Variants in PCDH15 observed in about 807,000 individuals in gnomAD.
The protein encoded by PCDH15 is protocadherin-15.
In PCDH15, 129 loss-of-function variants were observed where a neutral mutation model predicts 178.5. That is an observed-to-expected ratio of 0.72 (90% CI 0.63 to 0.84). The LOEUF is 0.84. Ranked by LOEUF, PCDH15 falls within the 40% of genes least tolerant of loss-of-function variation. PCDH15 has a pLI of 0.00. For synonymous variants in PCDH15, 800 were observed against 732.0 expected, an observed-to-expected ratio of 1.09 and a Z score of -1.50; for missense variants, 2,230 against 2,099.9, an observed-to-expected ratio of 1.06 and a Z score of -1.21.
intron 6 of PCDH15, among the ~76,000 whole-genome samples, chr10:54,334,143 A>G (rs1010192001): frequency 6.6e-6 from 1 of 152,188 alleles, no homozygotes; most frequent in Non-Finnish European, 1.5e-5. Context: ...ACACGCCCCA[A>G]ACACCTGGCC....
At chr10:54,494,191 C>G (rs949862954) in intron 3 of PCDH15, among the ~76,000 whole-genome samples, 4 of 151,608 alleles carry the variant, frequency 2.6e-5, no homozygotes, top group African/African-American at 9.7e-5. Flanking sequence ...ACATATGTAA[C>G]TAACCTGCAC....
intron 3 of PCDH15, among the ~76,000 whole-genome samples, chr10:54,495,107 C>A (rs1018993877): frequency 1.3e-5 from 2 of 152,088 alleles, no homozygotes; most frequent in Admixed American, 6.6e-5. Context: ...TGTCCTTGCA[C>A]AGAGTGTGAG....
At chr10:54,424,062 T>A (rs142694311) in intron 3 of PCDH15, among the ~76,000 whole-genome samples, 4,184 of 151,784 alleles carry the variant, frequency 0.028, 85 homozygotes, top group Middle Eastern at 0.061. Flanking sequence ...GAAACTACCA[T>A]CAGAGTGAAC....
intron 13 of PCDH15, among the ~76,000 whole-genome samples, chr10:54,167,336 C>G (rs1045262896): frequency 5.3e-5 from 8 of 152,086 alleles, no homozygotes; most frequent in African/African-American, 1.9e-4. Flanking sequence ...CCACTTTCTC[C>G]TTTCCACTCT....
intron 2 of PCDH15, among the ~76,000 whole-genome samples, chr10:55,453,961 A>G (rs1839491732): frequency 6.6e-6 from 1 of 152,182 alleles, no homozygotes; most frequent in Admixed American, 6.5e-5. Context: ...CCCATATACA[A>G]TAAAAAGGAA....
intron 2 of PCDH15, among the ~76,000 whole-genome samples, chr10:55,436,056 A>T (rs1839031657): frequency 6.6e-6 from 1 of 152,108 alleles, no homozygotes; most frequent in African/African-American, 2.4e-5. Flanking sequence ...TGTTTATTTT[A>T]TTCACAGTAG....
intron 3 of PCDH15, among the ~76,000 whole-genome samples, chr10:54,440,262 C>A (rs906393291): frequency 6.6e-6 from 1 of 151,940 alleles, no homozygotes; most frequent in Non-Finnish European, 1.5e-5. Context: ...GTGTTTAATG[C>A]TTATGCAAAT....
intron 2 of PCDH15, among the ~76,000 whole-genome samples, chr10:55,398,687 C>G (rs1837987959): frequency 6.6e-6 from 1 of 152,154 alleles, no homozygotes; most frequent in Non-Finnish European, 1.5e-5. Context: ...TACTCACCAT[C>G]TGGCATATTA....
At chr10:54,849,244 T>C (rs1426851437) in intron 3 of PCDH15, among the ~76,000 whole-genome samples, 1 of 152,174 alleles carries the variant, frequency 6.6e-6, no homozygotes, top group Non-Finnish European at 1.5e-5. Context: ...TTTAGCATGC[T>C]GTTAAATCCT....
chr10:54,036,722 A>G (rs369020887), intron 18 of PCDH15, among the ~76,000 whole-genome samples: 18 of 152,060 alleles, frequency 1.2e-4, no homozygotes, highest in East Asian at 9.7e-4. Flanking sequence ...GCTCATGGAT[A>G]AAGGAGTAAA....
At chr10:54,672,988 C>G (rs2094703918) in intron 1 of PCDH15, among the ~76,000 whole-genome samples, 1 of 151,992 alleles carries the variant, frequency 6.6e-6, no homozygotes. Context: ...AATGACATAG[C>G]AAACAGGTAG....
chr10:55,083,114 G>T (rs1488646791), intron 2 of PCDH15, among the ~76,000 whole-genome samples: 1 of 150,938 alleles, frequency 6.6e-6, no homozygotes, highest in African/African-American at 2.4e-5. Context: ...AAACTATAGG[G>T]TTATCTCCCT....
At chr10:54,026,088 G>C (rs921928053) in intron 18 of PCDH15, among the ~76,000 whole-genome samples, 2 of 111,314 alleles carry the variant, frequency 1.8e-5, no homozygotes, top group African/African-American at 3.2e-5. Context: ...TTTTTTTTTT[G>C]AAACAGGTCT....
intron 7 of PCDH15, among the ~76,000 whole-genome samples, chr10:54,323,642 G>A (rs2061743638): frequency 6.6e-6 from 1 of 152,016 alleles, no homozygotes; most frequent in Non-Finnish European, 1.5e-5. Flanking sequence ...CATAATATCA[G>A]TTTTTCAATG....
At chr10:55,265,284 G>A (rs1044620432) in intron 1 of PCDH15, among the ~76,000 whole-genome samples, 3 of 147,316 alleles carry the variant, frequency 2.0e-5, no homozygotes, top group Non-Finnish European at 4.4e-5. Context: ...ACGATATATT[G>A]TGATAGATAT....
intron 3 of PCDH15, among the ~76,000 whole-genome samples, chr10:54,411,880 C>G (rs1342117996): frequency 6.6e-6 from 1 of 152,132 alleles, no homozygotes; most frequent in Admixed American, 6.6e-5. Flanking sequence ...ATTACTTTGA[C>G]TAGATTATTT....
intron 3 of PCDH15, among the ~76,000 whole-genome samples, chr10:54,524,828 T>C (rs1286133038): frequency 1.3e-5 from 2 of 152,184 alleles, no homozygotes; most frequent in Admixed American, 6.5e-5. Flanking sequence ...GTAAGCTTAG[T>C]ATTACCAGCA....
intron 2 of PCDH15, among the ~76,000 whole-genome samples, chr10:55,061,077 T>C (rs1422449196): frequency 6.6e-6 from 1 of 152,132 alleles, no homozygotes; most frequent in Non-Finnish European, 1.5e-5. Context: ...TGATGAACTA[T>C]ACTATATTGA....
At chr10:54,175,577 CTT>C (rs1476119850) in intron 13 of PCDH15, among the ~76,000 whole-genome samples, 1 of 152,130 alleles carries the variant, frequency 6.6e-6, no homozygotes, top group Non-Finnish European at 1.5e-5. Context: ...TCACAACACT[CTT>C]TTGAGGTTGG....
Sources: gnomAD v4.1 joint callset for allele counts (sites outside exome capture counted in the v4.1 genomes callset) on GRCh38, gnomAD v4.1.1 for gene constraint, MANE v1.5 for transcripts, NCBI Gene and HGNC (gene_info 2026-07-23, HGNC 2026-07-21) for gene names.